CRYBG1: variants seen among roughly 807,000 people sequenced by gnomAD.
CRYBG1 encodes crystallin beta-gamma domain containing 1.
A neutral mutation model predicts 189.2 loss-of-function variants in CRYBG1; 139 were observed. That is an observed-to-expected ratio of 0.73 (90% CI 0.64 to 0.85). The LOEUF (loss-of-function observed/expected upper bound fraction) is 0.85. Ranked by LOEUF, CRYBG1 falls within the 40% of genes least tolerant of loss-of-function variation. The pLI is 0.00. For synonymous variants in CRYBG1, 1,023 were observed against 1,017.1 expected (o/e 1.01, Z -0.11); for missense variants, 2,611 against 2,675.8 (o/e 0.98, Z 0.53).
At chr6:106,567,617 C>T (rs1774928980) in intron 21 of CRYBG1, among the ~76,000 whole-genome samples, 1 of 151,942 alleles carries the variant, frequency 6.6e-6, no homozygotes. Flanking sequence ...GTTGATACAT[C>T]CTTGGTGCTG....
chr6:106,492,481 AAAGG>A (rs1772746143), intron 2 of CRYBG1, among the ~76,000 whole-genome samples: 1 of 151,992 alleles, frequency 6.6e-6, no homozygotes, highest in Non-Finnish European at 1.5e-5. Flanking sequence ...ACTTCTGAAG[AAAGG>A]AAGGAAGTGG....
At chr6:106,549,240 C>G (rs539677733) in intron 13 of CRYBG1, among the ~76,000 whole-genome samples, 31 of 152,272 alleles carry the variant, frequency 2.0e-4, no homozygotes, top group African/African-American at 7.2e-4. Flanking sequence ...GCCTGAGGCC[C>G]TGTGGGCAGA....
intron 18 of CRYBG1, among the ~76,000 whole-genome samples, chr6:106,560,571 C>G (rs1284598538): frequency 6.6e-6 from 1 of 152,152 alleles, no homozygotes; most frequent in South Asian, 2.1e-4. Flanking sequence ...AAAAAACTTA[C>G]CTATTTCTCT....
chr6:106,447,012 C>T (rs894977195), intron 1 of CRYBG1, among the ~76,000 whole-genome samples: 3 of 152,138 alleles, frequency 2.0e-5, no homozygotes, highest in Non-Finnish European at 4.4e-5. Flanking sequence ...AAATCAAGTA[C>T]CATACTTAAC....
rs77313996 is a variant in CRYBG1 at position 106,516,834 on chromosome 6, A to G, written c.1923-2297A>G. ...TGTCACTTATCAGCTGCATAACCTC[A>G]GGGAGTTACTTCTCAACACTTCAAC... On this transcript the variant is annotated intron_variant, in intron 3 of 21. Transcript: ENST00000633556. Among the ~76,000 whole-genome samples, 1,198 of 152,162 alleles carry G rather than the reference A, an allele frequency of 7.9e-3. 18 individuals are homozygous for G. Among genetic ancestry groups the G allele is most frequent in the African/African-American group, 0.028 (1,157 of 41,490 alleles).
chr6:106,453,137 G>A (rs1196147294), intron 2 of CRYBG1, among the ~76,000 whole-genome samples: 3 of 152,146 alleles, frequency 2.0e-5, no homozygotes, highest in African/African-American at 7.2e-5. Flanking sequence ...GATCTGCATA[G>A]TTCTGTATAG....
At chr6:106,471,379 A>G (rs145297776) in intron 2 of CRYBG1, among the ~76,000 whole-genome samples, 2 of 152,270 alleles carry the variant, frequency 1.3e-5, no homozygotes, top group African/African-American at 2.4e-5. Context: ...ATGTACACCA[A>G]TGTGTGGGTC....
chr6:106,396,647 T>C (rs1190214069), intron 1 of CRYBG1, among the ~76,000 whole-genome samples: 1 of 152,206 alleles, frequency 6.6e-6, no homozygotes, highest in Non-Finnish European at 1.5e-5. Context: ...TCTGAGGACC[T>C]GTTCTACCAG....
intron 1 of CRYBG1, among the ~76,000 whole-genome samples, chr6:106,421,211 T>G (rs183609354): frequency 6.6e-6 from 1 of 152,218 alleles, no homozygotes; most frequent in Admixed American, 6.5e-5. Flanking sequence ...GATCCTGGAT[T>G]TAAGAGGCAA....
intron 2 of CRYBG1, among the ~76,000 whole-genome samples, chr6:106,460,009 C>A (rs758829505): frequency 9.2e-5 from 14 of 152,158 alleles, no homozygotes; most frequent in South Asian, 4.1e-4. Context: ...AGTCTGAGCT[C>A]TTTTGTTTTT....
chr6:106,560,603 A>C (rs998947217), intron 18 of CRYBG1, among the ~76,000 whole-genome samples, 200 bp from the exon 19 acceptor site: 1 of 152,218 alleles, frequency 6.6e-6, no homozygotes, highest in Non-Finnish European at 1.5e-5. Context: ...ACTTTTTGGC[A>C]TAAGTACTCA....
intron 21 of CRYBG1, among the ~76,000 whole-genome samples, chr6:106,565,594 G>A (rs1276643556): frequency 6.6e-6 from 1 of 152,122 alleles, no homozygotes; most frequent in Non-Finnish European, 1.5e-5. Context: ...GGGGCACTTA[G>A]GGAACACAAA....
At chr6:106,555,622 A>G in intron 16 of CRYBG1, 146 bp from the exon 17 acceptor site, 1 of 1,015,302 alleles carries the variant, frequency 9.8e-7, no homozygotes, top group East Asian at 2.5e-5. Context: ...TGCAATAAAT[A>G]TATCCAAATA....
intron 2 of CRYBG1, among the ~76,000 whole-genome samples, chr6:106,454,056 A>C (rs1382265059): frequency 6.6e-6 from 1 of 152,192 alleles, no homozygotes; most frequent in Non-Finnish European, 1.5e-5. Context: ...CCTCCACCTC[A>C]GAGAGGCTCA....
intron 18 of CRYBG1, among the ~76,000 whole-genome samples, chr6:106,560,426 T>C (rs1434002548): frequency 2.0e-5 from 3 of 152,206 alleles, no homozygotes; most frequent in East Asian, 1.9e-4. Context: ...TTTAACCCTA[T>C]TTAGCACCTA....
At chr6:106,388,028 C>G (rs929182383) in intron 1 of CRYBG1, among the ~76,000 whole-genome samples, 21 of 152,140 alleles carry the variant, frequency 1.4e-4, no homozygotes, top group Admixed American at 8.5e-4. Flanking sequence ...GCCATGTGTC[C>G]TGGTTTATGC....
At chr6:106,364,818 T>A (rs1771950139) in intron 1 of CRYBG1, among the ~76,000 whole-genome samples, 1 of 152,232 alleles carries the variant, frequency 6.6e-6, no homozygotes, top group African/African-American at 2.4e-5. Context: ...TGACACTGAA[T>A]CCTATCATCC....
chr6:106,369,763 C>T (rs774015164), intron 1 of CRYBG1, among the ~76,000 whole-genome samples: 11 of 152,178 alleles, frequency 7.2e-5, no homozygotes, highest in Non-Finnish European at 1.5e-4. Flanking sequence ...ATGTATCAGA[C>T]ACTGTTCTAA....
In CRYBG1 at chr6:106,569,141, TAAACA is replaced by T. The variant is rs1439583878; in HGVS notation, c.*579_*583del. ...AGGTATTCACACATTTAAGGAACTCTAAACAAAATACTATTTTCCTTTAGTTCATA... is the reference window on the plus strand; with the variant it reads ...AGGTATTCACACATTTAAGGAACTCTAAATACTATTTTCCTTTAGTTCATA... On this transcript the variant is annotated 3_prime_UTR_variant, in exon 22 of 22. Coordinates refer to ENST00000633556, the MANE Select transcript of CRYBG1 (RefSeq NM_001371242.2). 6.6e-6 allele frequency: 1 copy of T among 152,260 alleles called. No individual in the cohort carries two copies. The highest frequency in any genetic ancestry group is 1.5e-5 in the Non-Finnish European group (1 of 68,050). 9.4% of individuals were successfully genotyped at this position (152,260 alleles called of 1,614,324 possible). A position where few individuals can be genotyped will look rare whatever the true frequency, so the allele number is the denominator to read the frequency against.
Sources: allele counts gnomAD v4.1 joint callset (sites outside exome capture counted in the v4.1 genomes callset), GRCh38; gene constraint gnomAD v4.1.1; transcripts MANE v1.5; gene names NCBI Gene and HGNC (gene_info 2026-07-23, HGNC 2026-07-21).